Variants in MSRA observed in about 807,000 individuals in gnomAD.
MSRA encodes mitochondrial peptide methionine sulfoxide reductase.
Under a neutral mutation model 31.3 loss-of-function variants are expected in MSRA, and 54 were observed. The observed-to-expected ratio is 1.73, with a 90% CI of 1.39 to 2.17. MSRA has a LOEUF of 2.17. MSRA is among the 30% of genes most tolerant of loss of function. The pLI is 0.00. For missense variants in MSRA, 507 were observed against 300.9 expected (o/e 1.69, Z -5.07); for synonymous variants, 169 against 116.5 (o/e 1.45, Z -2.90).
chr8:10,405,157 A>G (rs1036504386), intron 5 of MSRA, among the ~76,000 whole-genome samples: 1 of 152,190 alleles, frequency 6.6e-6, no homozygotes, highest in African/African-American at 2.4e-5. Context: ...AGACATGTCT[A>G]TGCCACAGTG....
chr8:10,372,641 C>A (rs1402972445), intron 5 of MSRA, among the ~76,000 whole-genome samples: 1 of 152,026 alleles, frequency 6.6e-6, no homozygotes, highest in Non-Finnish European at 1.5e-5. Context: ...TACAATTAGA[C>A]AAAACTAAGA....
At chr8:10,099,110 TGAGA>T (rs150794471) in intron 1 of MSRA, among the ~76,000 whole-genome samples, 12,333 of 151,240 alleles carry the variant, frequency 0.082, 622 homozygotes, top group African/African-American at 0.14. Context: ...TGTTTGTGAG[TGAGA>T]GAGAGAGAGA....
intron 1 of MSRA, among the ~76,000 whole-genome samples, chr8:10,124,541 C>T (rs74967867): frequency 2.0e-5 from 3 of 152,214 alleles, no homozygotes; most frequent in African/African-American, 7.2e-5. Context: ...AGCTAGGACT[C>T]ACTTCTTGCT....
intron 5 of MSRA, among the ~76,000 whole-genome samples, chr8:10,364,172 C>G (rs1585590362): frequency 6.6e-6 from 1 of 152,254 alleles, no homozygotes; most frequent in East Asian, 1.9e-4. Flanking sequence ...TTGTTCTGGC[C>G]AGAACACCTG....
chr8:10,133,703 A>G (rs1314168022), intron 1 of MSRA, among the ~76,000 whole-genome samples: 4 of 152,216 alleles, frequency 2.6e-5, no homozygotes, highest in African/African-American at 9.6e-5. Context: ...GTGGCCTGGC[A>G]CAGGGGAAGT....
chr8:10,273,949 T>A (rs11249979), intron 3 of MSRA, among the ~76,000 whole-genome samples: 2 of 151,792 alleles, frequency 1.3e-5, no homozygotes, highest in South Asian at 4.1e-4. Flanking sequence ...AGGCAGCTGC[T>A]TTATAGGAGG....
intron 1 of MSRA, among the ~76,000 whole-genome samples, chr8:10,081,380 C>G (rs1188235119): frequency 1.3e-5 from 2 of 152,216 alleles, no homozygotes; most frequent in African/African-American, 2.4e-5. Context: ...TAATATTTCT[C>G]TAAATTCTGG....
chr8:10,130,099 G>C (rs1286047741), intron 1 of MSRA, among the ~76,000 whole-genome samples: 2 of 152,142 alleles, frequency 1.3e-5, no homozygotes, highest in Admixed American at 1.3e-4. Flanking sequence ...TTAATGACTG[G>C]GAGTGCTATT....
intron 5 of MSRA, among the ~76,000 whole-genome samples, chr8:10,394,521 C>A (rs1240146038): frequency 6.6e-6 from 1 of 152,262 alleles, no homozygotes; most frequent in African/African-American, 2.4e-5. Flanking sequence ...GCCCTTTTCT[C>A]TATATCATCT....
At chr8:10,096,425 A>G (rs1364531112) in intron 1 of MSRA, 1 of 364,132 alleles carries the variant, frequency 2.7e-6, no homozygotes, top group East Asian at 1.6e-4. Context: ...GTGAATTCTC[A>G]TTGTGAGAAG....
At chr8:10,291,418 G>GA (rs11284328) in intron 3 of MSRA, among the ~76,000 whole-genome samples, 1 of 150,636 alleles carries the variant, frequency 6.6e-6, no homozygotes, top group Non-Finnish European at 1.5e-5. Context: ...TGAGACAAAA[G>GA]AAAAAAAAAA....
intron 5 of MSRA, among the ~76,000 whole-genome samples, chr8:10,413,115 G>C (rs77998171): frequency 2.8e-4 from 43 of 152,344 alleles, no homozygotes; most frequent in African/African-American, 1.0e-3. Flanking sequence ...TGAGGAATGC[G>C]TATGCCCAGG....
At chr8:10,198,558 A>C (rs757861759) in intron 1 of MSRA, among the ~76,000 whole-genome samples, 11 of 152,196 alleles carry the variant, frequency 7.2e-5, no homozygotes, top group Non-Finnish European at 1.5e-4. Flanking sequence ...AATTCTGATT[A>C]TCTCCTACAG....
chr8:10,085,048 T>C (rs148871971), intron 1 of MSRA, among the ~76,000 whole-genome samples: 16 of 152,314 alleles, frequency 1.1e-4, no homozygotes, highest in Non-Finnish European at 2.1e-4. Context: ...TACTATGGTT[T>C]TAAATATGGC....
intron 1 of MSRA, among the ~76,000 whole-genome samples, chr8:10,124,704 C>G (rs568557562): frequency 6.6e-6 from 1 of 152,100 alleles, no homozygotes; most frequent in Non-Finnish European, 1.5e-5. Flanking sequence ...CTTATCTTTC[C>G]TGAAATTTTG....
intron 2 of MSRA, among the ~76,000 whole-genome samples, chr8:10,227,870 G>A (rs928896617): frequency 6.6e-6 from 1 of 152,186 alleles, no homozygotes; most frequent in Admixed American, 6.5e-5. Context: ...GGATAAGGAA[G>A]GTGTCTTGTT....
chr8:10,072,934 T>G (rs570786595), intron 1 of MSRA, among the ~76,000 whole-genome samples: 1 of 152,348 alleles, frequency 6.6e-6, no homozygotes, highest in South Asian at 2.1e-4. Flanking sequence ...GCAGTTGATT[T>G]TGGGATGTTG....
intron 3 of MSRA, among the ~76,000 whole-genome samples, chr8:10,264,531 G>A (rs1249233167): frequency 2.6e-5 from 4 of 152,170 alleles, no homozygotes; most frequent in Admixed American, 2.6e-4. Context: ...AGCCAGTGCT[G>A]CCAGGCAAAG....
chr8:10,332,171 G>C (rs145356834), intron 5 of MSRA, among the ~76,000 whole-genome samples: 1 of 152,058 alleles, frequency 6.6e-6, no homozygotes, highest in African/African-American at 2.4e-5. Context: ...ATCCCTTCTC[G>C]GTCTGTTGTA....
Sources: allele counts gnomAD v4.1 joint callset (sites outside exome capture counted in the v4.1 genomes callset), GRCh38; gene constraint gnomAD v4.1.1; transcripts MANE v1.5; gene names NCBI Gene and HGNC (gene_info 2026-07-23, HGNC 2026-07-21).